Variants in NAV2 observed in about 807,000 individuals in gnomAD.
NAV2 encodes the protein neuron navigator 2.
Under a neutral mutation model 223.2 loss-of-function variants are expected in NAV2, and 54 were observed. That is an observed-to-expected ratio of 0.24 (90% CI 0.19 to 0.30). The LOEUF (loss-of-function observed/expected upper bound fraction) is 0.30. Ranked by LOEUF, NAV2 falls within the 10% of genes least tolerant of loss-of-function variation. The probability of loss-of-function intolerance (pLI) is 1.00; values close to 1 mark genes in which losing one functional copy is unlikely to be tolerated. For synonymous variants in NAV2, 1,279 were observed against 1,239.3 expected (o/e 1.03, Z -0.67); for missense variants, 2,806 against 3,147.5 (o/e 0.89, Z 2.60).
chr11:19,475,886 G>T (rs1380513034), intron 1 of NAV2, among the ~76,000 whole-genome samples: 1 of 152,266 alleles, frequency 6.6e-6, no homozygotes, highest in Non-Finnish European at 1.5e-5. Flanking sequence ...CCACGAAGTG[G>T]CTGCCCCTTG....
chr11:19,929,620 A>G (rs2045133296), intron 6 of NAV2, among the ~76,000 whole-genome samples: 1 of 152,158 alleles, frequency 6.6e-6, no homozygotes, highest in Non-Finnish European at 1.5e-5. Flanking sequence ...AATACTACAT[A>G]GAAATTCTGA....
intron 1 of NAV2, among the ~76,000 whole-genome samples, chr11:19,474,215 A>G (rs1324596122): frequency 6.6e-6 from 1 of 152,230 alleles, no homozygotes; most frequent in African/African-American, 2.4e-5. Flanking sequence ...TCAGCTCTGA[A>G]GAAATACTTG....
At chr11:19,588,929 A>G (rs1391572247) in intron 1 of NAV2, among the ~76,000 whole-genome samples, 1 of 152,162 alleles carries the variant, frequency 6.6e-6, no homozygotes, top group Non-Finnish European at 1.5e-5. Flanking sequence ...TCATGAACTC[A>G]ATGGGCAATT....
chr11:19,396,293 C>A (rs540486729), intron 1 of NAV2, among the ~76,000 whole-genome samples: 1 of 152,100 alleles, frequency 6.6e-6, no homozygotes, highest in Non-Finnish European at 1.5e-5. Context: ...TATCCAAGAT[C>A]GCATGGTGAG....
In NAV2 at chr11:19,482,267, G is replaced by A. The variant is rs1418737429; in HGVS notation, c.75+131240G>A. On this transcript the variant is annotated intron_variant, in intron 1 of 37. Transcript: ENST00000360655. ...GTTCCCTACAAAAAGGAAGACATCA[G>A]CTCCAGGATCAACTGCAAGATGAAT... Among the ~76,000 whole-genome samples the A allele has an allele frequency of 3.3e-5, 5 of 152,106 alleles. No homozygotes were observed. In the East Asian group the frequency reaches 7.7e-4, roughly 23 times the overall value.
chr11:19,559,981 C>T (rs2045041285), intron 1 of NAV2, among the ~76,000 whole-genome samples: 1 of 152,216 alleles, frequency 6.6e-6, no homozygotes, highest in South Asian at 2.1e-4. Flanking sequence ...TCTGCCTTAG[C>T]CATTCCCCTC....
intron 1 of NAV2, among the ~76,000 whole-genome samples, chr11:19,798,484 G>A (rs1339490066): frequency 6.6e-6 from 1 of 152,170 alleles, no homozygotes; most frequent in Non-Finnish European, 1.5e-5. Flanking sequence ...AAAAAGATGT[G>A]GGGAGGGGAT....
At chr11:19,989,354 A>G (rs1485196307) in intron 11 of NAV2, among the ~76,000 whole-genome samples, 1 of 152,180 alleles carries the variant, frequency 6.6e-6, no homozygotes, top group Non-Finnish European at 1.5e-5. Context: ...GAAGAAGGCT[A>G]CAGCCCAAGA....
At chr11:19,944,574 A>G (rs151057031) in intron 8 of NAV2, among the ~76,000 whole-genome samples, 5 of 103,778 alleles carry the variant, frequency 4.8e-5, no homozygotes, top group Non-Finnish European at 9.7e-5. Flanking sequence ...TTCCCTTTCC[A>G]TTTCCATTTC....
chr11:19,768,417 A>T (rs1173738660), intron 1 of NAV2, among the ~76,000 whole-genome samples: 1 of 152,100 alleles, frequency 6.6e-6, no homozygotes, highest in African/African-American at 2.4e-5. Flanking sequence ...AAAGTAGCCG[A>T]TAAGGGCTTC....
chr11:19,642,036 G>A (rs973150222), intron 1 of NAV2, among the ~76,000 whole-genome samples: 2 of 152,138 alleles, frequency 1.3e-5, no homozygotes, highest in Non-Finnish European at 2.9e-5. Context: ...AATAGATATT[G>A]GTTGAATTAA....
chr11:19,517,934 T>C (rs1026514248), intron 1 of NAV2, among the ~76,000 whole-genome samples: 3 of 152,242 alleles, frequency 2.0e-5, no homozygotes, highest in African/African-American at 4.8e-5. Context: ...GCCTGTGCCA[T>C]AGAAAGATAC....
At chr11:19,388,042 C>T (rs1849110106) in intron 1 of NAV2, among the ~76,000 whole-genome samples, 1 of 152,194 alleles carries the variant, frequency 6.6e-6, no homozygotes, top group Admixed American at 6.5e-5. Context: ...ACAAGATCCT[C>T]AGGTGATCTG....
rs764402768 is a variant in NAV2, at chr11:19,596,527, G to A, written c.76-235957G>A. ...TGGAGACGCAGTTCATTACAAGCTG[G>A]TGAGGCAACGGCTCTGTGCTCCAGG... On this transcript the variant is annotated intron_variant, in intron 1 of 37. Transcript: ENST00000360655. 2.0e-4 allele frequency among the ~76,000 whole-genome samples: 31 copies of A among 152,272 alleles called. No homozygotes were observed. The Middle Eastern group carries it at 0.01, about 50-fold the overall frequency.
At chr11:19,822,852 C>T (rs1020132202) in intron 1 of NAV2, among the ~76,000 whole-genome samples, 1 of 152,168 alleles carries the variant, frequency 6.6e-6, no homozygotes, top group African/African-American at 2.4e-5. Context: ...ATAGAGAACC[C>T]ATTCACATCT....
intron 6 of NAV2, among the ~76,000 whole-genome samples, chr11:19,913,890 C>T (rs181076451): frequency 9.2e-5 from 14 of 152,324 alleles, no homozygotes; most frequent in Admixed American, 9.1e-4. Flanking sequence ...AAAACTACTA[C>T]AACTCTGGAT....
In NAV2 at chr11:20,095,810, G is replaced by T. The variant is rs777613111; in HGVS notation, c.6012+43G>T. 2.8e-6 allele frequency: 4 copies of T among 1,416,488 alleles called. No individual in the cohort carries two copies. The Admixed American group carries it at 5.0e-5, about 18-fold the overall frequency. 87.7% of individuals were successfully genotyped at this position (1,416,488 alleles called of 1,614,324 possible). On this transcript the variant is annotated intron_variant, in intron 30 of 37. Coordinates refer to ENST00000349880, the MANE Select transcript of NAV2 (RefSeq NM_145117.5). ...ACGGCTACAGCATACTACCTAACAT[G>T]GGCATCCGGGCCTGGGGAGGAAAAG...
At position 20,054,118 on chromosome 11, in the gene NAV2, C is replaced by T; in HGVS notation, c.4520C>T (p.Ala1507Val). The change falls in exon 18 of 38, where the codon GCA becomes GTA. Residue 1507 changes from alanine to valine, a missense_variant. Coordinates refer to ENST00000349880, the MANE Select transcript of NAV2 (RefSeq NM_145117.5). ...TCCCAGCTTCGCACGCAAGAAGATG[C>T]AAAAGAATGGTTACGGTCCCATTCT... ...PTSQLRTQED[A>V]KEWLRSHSAG... 5 of 1,612,722 alleles carry T rather than the reference C, an allele frequency of 3.1e-6. No homozygotes were observed. The highest frequency in any genetic ancestry group is 4.2e-6 in the Non-Finnish European group (5 of 1,179,772).
At chr11:19,626,785 T>C (rs897053190) in intron 1 of NAV2, among the ~76,000 whole-genome samples, 2 of 152,200 alleles carry the variant, frequency 1.3e-5, no homozygotes, top group Admixed American at 6.5e-5. Flanking sequence ...TTTACATTTT[T>C]AATAACATAG....
Sources: allele counts gnomAD v4.1 joint callset (sites outside exome capture counted in the v4.1 genomes callset), GRCh38; gene constraint gnomAD v4.1.1; transcripts MANE v1.5; gene names NCBI Gene and HGNC (gene_info 2026-07-23, HGNC 2026-07-21).